The following NBEAL1 variants were observed in gnomAD, a reference collection of about 807,000 sequenced individuals.
NBEAL1 encodes the protein neurobeachin like 1.
Under a neutral mutation model 351.3 loss-of-function variants are expected in NBEAL1, and 273 were observed. The ratio of observed to expected loss-of-function variants is 0.78; its 90% CI spans 0.70 to 0.86. NBEAL1 has a LOEUF of 0.86. Among genes scored for constraint, NBEAL1 ranks in the 40% least tolerant of loss-of-function variants. The probability of loss-of-function intolerance (pLI) is 0.00; values close to 1 mark genes in which losing one functional copy is unlikely to be tolerated. For synonymous variants in NBEAL1, 1,050 were observed against 1,086.4 expected (o/e 0.97, Z 0.66); for missense variants, 2,961 against 3,201.3 (o/e 0.92, Z 1.81).
At chr2:203,130,561 T>TAA in intron 25 of NBEAL1, 85 bp downstream of exon 25, 2 of 872,458 alleles carry the variant, frequency 2.3e-6, no homozygotes, top group Non-Finnish European at 3.1e-6. Context: ...TCTGTGACTA[T>TAA]AAATTATTTT....
chr2:203,130,210 A>G, intron 24 of NBEAL1, 108 bp from the exon 25 acceptor site: 4 of 1,086,872 alleles, frequency 3.7e-6, no homozygotes, highest in South Asian at 1.8e-5. Flanking sequence ...TGAAGTTAAG[A>G]TAAAACATTA....
At chr2:203,106,271 A>G (rs919131039) in intron 12 of NBEAL1, among the ~76,000 whole-genome samples, 26 of 152,308 alleles carry the variant, frequency 1.7e-4, no homozygotes, top group South Asian at 4.1e-4. Flanking sequence ...TTTATGCCTC[A>G]CCTTCCTGGT....
chr2:203,168,986 G>C (rs950275487), intron 38 of NBEAL1, among the ~76,000 whole-genome samples: 4 of 150,664 alleles, frequency 2.7e-5, no homozygotes, highest in African/African-American at 9.8e-5. Context: ...CATTTGTATA[G>C]CCCTGAATAA....
At chr2:203,022,378 A>C (rs2060786069) in intron 2 of NBEAL1, among the ~76,000 whole-genome samples, 2 of 152,162 alleles carry the variant, frequency 1.3e-5, no homozygotes, top group South Asian at 2.1e-4. Flanking sequence ...ATTAGCTTTA[A>C]AAAATTTTTT....
intron 6 of NBEAL1, among the ~76,000 whole-genome samples, chr2:203,064,385 T>A (rs751196599): frequency 2.6e-5 from 4 of 152,238 alleles, no homozygotes; most frequent in Non-Finnish European, 5.9e-5. Flanking sequence ...TCCCCACGAT[T>A]ACTTATTACT....
rs985530534 is a variant in NBEAL1 at position 203,224,267 on chromosome 2, C to T, written c.*6913C>T. Among the ~76,000 whole-genome samples the T allele has an allele frequency of 6.6e-6, 1 of 151,976 alleles. No individual in the cohort carries two copies. Among genetic ancestry groups the T allele is most frequent in the African/African-American group, 2.4e-5 (1 of 41,416 alleles). On this transcript the variant is annotated 3_prime_UTR_variant, in exon 56 of 56. Transcript: ENST00000683969. ...GGCAAACTGCTTATTTTATAAGTAG[C>T]TTTATATAAGAAAACTTCTTAGAAA...
intron 26 of NBEAL1, among the ~76,000 whole-genome samples, chr2:203,132,825 A>G (rs936851919): frequency 2.6e-5 from 4 of 152,204 alleles, no homozygotes; most frequent in African/African-American, 7.2e-5. Flanking sequence ...ATAATATAAG[A>G]GCCATGCAGT....
At chr2:203,119,360 C>T (rs965713440) in intron 18 of NBEAL1, among the ~76,000 whole-genome samples, 30 of 150,002 alleles carry the variant, frequency 2.0e-4, no homozygotes, top group Admixed American at 8.1e-4. Context: ...CTCAAGTGAT[C>T]CACCCACTTA....
intron 18 of NBEAL1, 29 bp downstream of exon 18, chr2:203,116,099 T>A: frequency 7.0e-7 from 1 of 1,430,840 alleles, no homozygotes; most frequent in Non-Finnish European, 9.6e-7. Flanking sequence ...ACTGTCCATC[T>A]AGTTATAACT....
chr2:203,125,367 A>G lies in NBEAL1; in HGVS notation c.2698A>G (p.Ile900Val), dbSNP rs1347286387. ...TTCCCTTTAGGATATCATAAACTGC[A>G]TAGGTGGGTTAAATGTACTCTTTCC... ...NWDIKDIINCIGGLNVLFPLL... is the reference protein window; with the variant it reads ...NWDIKDIINCVGGLNVLFPLL... Residue 900 changes from isoleucine to valine, a missense_variant, in exon 20 of 56, where the codon ATA (isoleucine) becomes GTA (valine). Physicochemically the swap from Ile to Val is conservative, Grantham distance 29. Coordinates refer to ENST00000683969, the MANE Select transcript of NBEAL1 (RefSeq NM_001378026.1). 2.0e-6 allele frequency: 3 copies of G among 1,532,140 alleles called. No individual in the cohort carries two copies. The highest frequency in any genetic ancestry group is 2.5e-5 in the East Asian group (1 of 40,554). The allele number at this position is 1,532,140 out of a possible 1,614,324, so 94.9% of individuals were successfully genotyped here. A position where few individuals can be genotyped will look rare whatever the true frequency, so the allele number is the denominator to read the frequency against.
intron 42 of NBEAL1, among the ~76,000 whole-genome samples, chr2:203,179,693 A>G (rs956415785): frequency 1.8e-4 from 28 of 152,178 alleles, no homozygotes; most frequent in African/African-American, 6.0e-4. Flanking sequence ...AAGTATATTG[A>G]TACTATAATG....
chr2:203,051,027 A>T (rs982267947), intron 4 of NBEAL1, among the ~76,000 whole-genome samples: 75 of 152,292 alleles, frequency 4.9e-4, no homozygotes, highest in African/African-American at 1.7e-3. Flanking sequence ...TTGTTTTATA[A>T]ATATTTTATA....
At chr2:203,100,843 C>T (rs1456296793) in intron 12 of NBEAL1, among the ~76,000 whole-genome samples, 1 of 152,184 alleles carries the variant, frequency 6.6e-6, no homozygotes, top group Non-Finnish European at 1.5e-5. Context: ...CCACCACACC[C>T]AGCCCTGTTT....
chr2:203,196,326 C>T (rs1429194198), intron 47 of NBEAL1, among the ~76,000 whole-genome samples: 1 of 152,208 alleles, frequency 6.6e-6, no homozygotes, highest in African/African-American at 2.4e-5. Context: ...ATAAAGAACA[C>T]AATAGATTTC....
chr2:203,205,480 G>C lies in NBEAL1; in HGVS notation c.7506+2699G>C, dbSNP rs544090103. 2.6e-5 allele frequency among the ~76,000 whole-genome samples: 4 copies of C among 152,092 alleles called. No homozygotes were observed. In the East Asian group the frequency reaches 7.7e-4, roughly 29 times the overall value. On this transcript the variant is annotated intron_variant, in intron 51 of 55. Transcript: ENST00000683969. ...AATCCACAGTCCATGTTCTAATTTT[G>C]TATTTCCAATAATGTTCTTTACAGC...
intron 51 of NBEAL1, among the ~76,000 whole-genome samples, chr2:203,204,612 T>G (rs1367375362): frequency 6.6e-6 from 1 of 152,146 alleles, no homozygotes; most frequent in Non-Finnish European, 1.5e-5. Flanking sequence ...ATTTGGCATA[T>G]TTTTATAGTT....
chr2:203,027,688 A>G (rs1340312231), intron 2 of NBEAL1, among the ~76,000 whole-genome samples: 4 of 152,112 alleles, frequency 2.6e-5, no homozygotes, highest in South Asian at 2.1e-4. Flanking sequence ...ACTTTATTTT[A>G]TGGAGAAAAA....
At chr2:203,114,690 A>G (rs955909242) in intron 17 of NBEAL1, among the ~76,000 whole-genome samples, 5 of 152,140 alleles carry the variant, frequency 3.3e-5, no homozygotes, top group African/African-American at 9.7e-5. Flanking sequence ...TTTGAGATGA[A>G]TGGGATTGCC....
At position 203,062,333 on chromosome 2, in the gene NBEAL1, GA is replaced by G; in HGVS notation, c.515+4885del. The G allele has an allele frequency of 2.0e-6, 1 of 488,178 alleles. No individual in the cohort carries two copies. Among genetic ancestry groups the G allele is most frequent in the South Asian group, 1.5e-5 (1 of 67,336 alleles). 30.2% of individuals were successfully genotyped at this position (488,178 alleles called of 1,614,324 possible). A position where few individuals can be genotyped will look rare whatever the true frequency, so the allele number is the denominator to read the frequency against. Reference sequence around the variant, plus strand: ...ACATCTCTATAAGAGTTTCTTCTGGGAAAAATCCAGCAACGCCCACTCCTGA... The same window carrying G: ...ACATCTCTATAAGAGTTTCTTCTGGGAAAATCCAGCAACGCCCACTCCTGA... On this transcript the variant is annotated intron_variant, in intron 6 of 55. Coordinates refer to ENST00000683969, the MANE Select transcript of NBEAL1 (RefSeq NM_001378026.1). The surrounding 1 kb of genome is among the most constrained non-coding windows in gnomAD (Gnocchi z 4.2).
Sources: allele counts gnomAD v4.1 joint callset (sites outside exome capture counted in the v4.1 genomes callset), GRCh38; gene constraint gnomAD v4.1.1; non-coding constraint Gnocchi (gnomAD v3.1); transcripts MANE v1.5; gene names NCBI Gene and HGNC (gene_info 2026-07-23, HGNC 2026-07-21).